Variants in FBXL7 observed in about 807,000 individuals in gnomAD.
FBXL7 encodes F-box/LRR-repeat protein 7.
FBXL7 carries 12 observed loss-of-function variants against 38.3 expected under a neutral mutation model. That is an observed-to-expected ratio of 0.31 (90% confidence interval 0.20 to 0.51). The LOEUF is 0.51. Among genes scored for constraint, FBXL7 ranks in the 20% least tolerant of loss-of-function variants. The pLI is 0.98. For synonymous variants in FBXL7, 297 were observed against 300.9 expected (o/e 0.99, Z 0.13); for missense variants, 567 against 676.4 (o/e 0.84, Z 1.79).
At chr5:15,598,077 A>C (rs969369938) in intron 1 of FBXL7, among the ~76,000 whole-genome samples, 1 of 152,184 alleles carries the variant, frequency 6.6e-6, no homozygotes, top group Non-Finnish European at 1.5e-5. Context: ...TGCAAAATTT[A>C]GGGGGAGTGA....
intron 2 of FBXL7, among the ~76,000 whole-genome samples, chr5:15,850,236 A>G (rs1279029213): frequency 2.0e-5 from 3 of 152,256 alleles, no homozygotes; most frequent in African/African-American, 7.2e-5. Flanking sequence ...ATAGGAAAAC[A>G]TTCCGTTATT....
chr5:15,886,274 T>C (rs1245114670), intron 2 of FBXL7, among the ~76,000 whole-genome samples: 1 of 152,000 alleles, frequency 6.6e-6, no homozygotes, highest in Admixed American at 6.6e-5. Flanking sequence ...CATGAATGCA[T>C]GTGTGTGTGT....
intron 2 of FBXL7, among the ~76,000 whole-genome samples, chr5:15,859,168 T>C (rs1739365716): frequency 1.3e-5 from 2 of 152,168 alleles, no homozygotes; most frequent in South Asian, 4.1e-4. Context: ...GAGGAGCCCC[T>C]ACTGTGTCCA....
At chr5:15,694,670 C>T (rs1303315110) in intron 2 of FBXL7, among the ~76,000 whole-genome samples, 1 of 146,356 alleles carries the variant, frequency 6.8e-6, no homozygotes, top group Non-Finnish European at 1.5e-5. Flanking sequence ...ACACCTCTGT[C>T]ATTTTGACAC....
chr5:15,703,249 C>A (rs1295320734), intron 2 of FBXL7, among the ~76,000 whole-genome samples: 1 of 152,080 alleles, frequency 6.6e-6, no homozygotes, highest in Non-Finnish European at 1.5e-5. Context: ...ATAACTCAGC[C>A]TGAATATTTT....
chr5:15,783,575 A>T (rs1356261814), intron 2 of FBXL7, among the ~76,000 whole-genome samples: 1 of 152,144 alleles, frequency 6.6e-6, no homozygotes, highest in African/African-American at 2.4e-5. Flanking sequence ...GGAGAATAGG[A>T]GGTCAGAAGG....
At chr5:15,764,522 G>A (rs746283933) in intron 2 of FBXL7, among the ~76,000 whole-genome samples, 4 of 152,168 alleles carry the variant, frequency 2.6e-5, no homozygotes, top group Non-Finnish European at 4.4e-5. Flanking sequence ...AAAGGTTAGC[G>A]TGTGTGCCCG....
At chr5:15,528,485 T>G (rs1737316582) in intron 1 of FBXL7, among the ~76,000 whole-genome samples, 1 of 152,236 alleles carries the variant, frequency 6.6e-6, no homozygotes, top group Admixed American at 6.5e-5. Context: ...TCCATGTGGC[T>G]GAGGTGGCCT....
chr5:15,678,002 G>T (rs1312662853), intron 2 of FBXL7, among the ~76,000 whole-genome samples: 3 of 152,110 alleles, frequency 2.0e-5, no homozygotes, highest in African/African-American at 4.8e-5. Flanking sequence ...GCAATGTCTT[G>T]ACCAAGAATG....
intron 1 of FBXL7, among the ~76,000 whole-genome samples, chr5:15,597,880 T>C (rs952869535): frequency 2.0e-4 from 31 of 152,222 alleles, no homozygotes; most frequent in African/African-American, 7.0e-4. Context: ...GGCAAAGCTA[T>C]TATATTTTCA....
intron 2 of FBXL7, among the ~76,000 whole-genome samples, chr5:15,890,643 A>T (rs111503767): frequency 6.6e-6 from 1 of 152,134 alleles, no homozygotes; most frequent in South Asian, 2.1e-4. Flanking sequence ...ATGATCTGAG[A>T]TGGAAAAGTT....
chr5:15,666,530 G>C (rs1742284604), intron 2 of FBXL7, among the ~76,000 whole-genome samples: 1 of 152,142 alleles, frequency 6.6e-6, no homozygotes, highest in African/African-American at 2.4e-5. Context: ...AGAATCCATA[G>C]TAATCTCTAC....
At chr5:15,779,721 T>C (rs1400087766) in intron 2 of FBXL7, among the ~76,000 whole-genome samples, 1 of 152,204 alleles carries the variant, frequency 6.6e-6, no homozygotes, top group African/African-American at 2.4e-5. Flanking sequence ...GTTTAAAGTC[T>C]TTTAGATACA....
At chr5:15,855,155 G>T (rs924026190) in intron 2 of FBXL7, among the ~76,000 whole-genome samples, 4 of 151,872 alleles carry the variant, frequency 2.6e-5, no homozygotes, top group African/African-American at 9.7e-5. Context: ...CAAGGGCCAT[G>T]GTTTATTTTT....
chr5:15,651,879 A>G (rs1012629175), intron 2 of FBXL7, among the ~76,000 whole-genome samples: 3 of 152,222 alleles, frequency 2.0e-5, no homozygotes, highest in African/African-American at 7.2e-5. Context: ...GCTACTTCAT[A>G]TGCACTGAAA....
rs72734149 is a variant in FBXL7, at chr5:15,806,746, A to G, written c.128-121144A>G. ...CAGGGACTGATGAATGCGCCACAGG[A>G]GACAGGGGGCCCACGTATAGCTAGA... On this transcript the variant is annotated intron_variant, in intron 2 of 3. Coordinates refer to ENST00000504595, the MANE Select transcript of FBXL7 (RefSeq NM_012304.5). Among the ~76,000 whole-genome samples the G allele has an allele frequency of 5.0e-3, 767 of 152,244 alleles. 2 individuals carry two copies. Among genetic ancestry groups the G allele is most frequent in the Admixed American group, 7.7e-3 (118 of 15,284 alleles).
chr5:15,724,515 G>C (rs1047252374), intron 2 of FBXL7, among the ~76,000 whole-genome samples: 6 of 152,110 alleles, frequency 3.9e-5, no homozygotes, highest in African/African-American at 1.4e-4. Flanking sequence ...TCCCTGCCAA[G>C]CTCCAGGAAA....
intron 2 of FBXL7, among the ~76,000 whole-genome samples, chr5:15,664,469 C>CTTTT (rs34999340): frequency 2.7e-4 from 28 of 105,534 alleles, no homozygotes; most frequent in East Asian, 6.3e-4. Context: ...TTTTCTTTTC[C>CTTTT]TTTTTTTTTT....
chr5:15,598,900 CAA>C (rs1037582895), intron 1 of FBXL7, among the ~76,000 whole-genome samples: 3 of 152,130 alleles, frequency 2.0e-5, no homozygotes, highest in African/African-American at 7.2e-5. Flanking sequence ...GGCAGCAACA[CAA>C]AGTTAGGGAT....
Sources: allele counts gnomAD v4.1 joint callset (sites outside exome capture counted in the v4.1 genomes callset), GRCh38; gene constraint gnomAD v4.1.1; transcripts MANE v1.5; gene names NCBI Gene and HGNC (gene_info 2026-07-23, HGNC 2026-07-21).